MSL1: variants seen among roughly 807,000 people sequenced by gnomAD.
The protein encoded by MSL1 is MSL complex subunit 1.
In MSL1, 21 loss-of-function variants were observed where a neutral mutation model predicts 64.6. The observed-to-expected ratio is 0.33, with a 90% CI of 0.23 to 0.47. The LOEUF (loss-of-function observed/expected upper bound fraction) is 0.47. Ranked by LOEUF, MSL1 falls within the 20% of genes least tolerant of loss-of-function variation. MSL1 has a pLI of 1.00. For synonymous variants in MSL1, 339 were observed against 329.6 expected, an observed-to-expected ratio of 1.03 and a Z score of -0.31; for missense variants, 664 against 793.2, an observed-to-expected ratio of 0.84 and a Z score of 1.96.
chr17:40,123,693 A>G (rs1426481981), intron 1 of MSL1, among the ~76,000 whole-genome samples: 1 of 152,080 alleles, frequency 6.6e-6, no homozygotes, highest in African/African-American at 2.4e-5. Flanking sequence ...TGAGGGGTTA[A>G]AAATGAAAGG....
At position 40,123,258 on chromosome 17, in the gene MSL1, T is replaced by C; in HGVS notation, c.646T>C (p.Ser216Pro). 1 of 1,535,590 alleles carries C rather than the reference T, an allele frequency of 6.5e-7. No individual in the cohort carries two copies. The highest frequency in any genetic ancestry group is 8.7e-7 in the Non-Finnish European group (1 of 1,146,808). ...CGGGGGTGGTGGCGGCTCGGGAGCC[T>C]CCAGTCAGGCCGCCTGCCTCAAACA... Reference protein sequence around the residue: ...PLGGGGGSGASSQAACLKQIL... With the variant: ...PLGGGGGSGAPSQAACLKQIL... The change falls in exon 1 of 9, where the codon TCC becomes CCC. Residue 216 changes from serine (S) to proline (P), a missense_variant. Transcript: ENST00000398532.
intron 2 of MSL1, among the ~76,000 whole-genome samples, chr17:40,127,522 C>T (rs1051740219): frequency 2.1e-4 from 32 of 152,056 alleles, no homozygotes; most frequent in African/African-American, 7.5e-4. Flanking sequence ...TCTCTGTCAC[C>T]CAGGCTGGGG....
Position 40,136,133 on chromosome 17 carries a change from C to G in MSL1, c.*1764C>G, listed in dbSNP as rs2145139258. The G allele has an allele frequency of 6.6e-6, 1 of 152,384 alleles. No individual in the cohort carries two copies. The highest frequency in any genetic ancestry group is 1.9e-4 in the East Asian group (1 of 5,320). 9.4% of individuals were successfully genotyped at this position (152,384 alleles called of 1,614,324 possible). A position where few individuals can be genotyped will look rare whatever the true frequency, so the allele number is the denominator to read the frequency against. On this transcript the variant is annotated 3_prime_UTR_variant, in exon 9 of 9. Coordinates refer to ENST00000398532, the MANE Select transcript of MSL1 (RefSeq NM_001365919.1). ...GTAACGTGTCCAAAAAGAAAAAAGA[C>G]CCAATCAGTGTCTCTTGACTTTGTT...
At chr17:40,123,414 G>C (rs1282289110) in intron 1 of MSL1, 34 bp downstream of exon 1, 1 of 1,529,718 alleles carries the variant, frequency 6.5e-7, no homozygotes, top group Non-Finnish European at 8.8e-7. Context: ...TCGGGCCGAG[G>C]AGCGAGTTGT....
intron 7 of MSL1, 61 bp from the exon 8 acceptor site, chr17:40,133,766 T>C (rs943383821): frequency 1.2e-5 from 19 of 1,610,400 alleles, no homozygotes; most frequent in African/African-American, 6.7e-5. Context: ...GGAGCAGATA[T>C]AGCTTCTAGA....
Position 40,126,371 on chromosome 17 carries a change from C to G in MSL1, c.957C>G (p.Pro319=), listed in dbSNP as rs28526298. Residue 319 remains proline (P), a synonymous_variant, in exon 2 of 9, where the codon CCC becomes CCG. Coordinates refer to ENST00000398532, the MANE Select transcript of MSL1 (RefSeq NM_001365919.1). The part of the protein sequence containing the change: ...SETSQTLPPK[P]FSCGRSGKGH... The stretch of plus-strand genomic sequence containing the variant: ...CATCCCAGACTCTGCCTCCCAAGCC[C>G]TTCTCATGTGGGCGGAGTGGAAAGG... 1.2e-6 allele frequency: 2 copies of G among 1,613,840 alleles called. No homozygotes were observed. Among genetic ancestry groups the G allele is most frequent in the African/African-American group, 2.7e-5 (2 of 74,884 alleles).
chr17:40,127,501 G>T (rs142655782), intron 2 of MSL1, among the ~76,000 whole-genome samples: 1 of 152,272 alleles, frequency 6.6e-6, no homozygotes, highest in East Asian at 1.9e-4. Flanking sequence ...GTTTGTTTGA[G>T]ATAGGGTCTC....
At position 40,136,838 on chromosome 17, in the gene MSL1, T is replaced by TAA. The variant is rs1598414526; in HGVS notation, c.*2469_*2470insAA. 6.6e-6 allele frequency: 1 copy of TAA among 152,398 alleles called. No homozygotes were observed. Among genetic ancestry groups the TAA allele is most frequent in the East Asian group, 1.9e-4 (1 of 5,340 alleles). The allele number at this position is 152,398 out of a possible 1,614,324, so 9.4% of individuals were successfully genotyped here. ...ATTATATTTATTGGCAAACAAACAA[T>TAA]TCTGCTTGTATATTTGAAACATTGG... On this transcript the variant is annotated 3_prime_UTR_variant, in exon 9 of 9. Transcript: ENST00000398532.
rs1207629914 is a variant in MSL1 at position 40,131,014 on chromosome 17, G to A, written c.1376-523G>A. 1 of 153,934 alleles carries A rather than the reference G, an allele frequency of 6.5e-6. No homozygotes were observed. The highest frequency in any genetic ancestry group is 1.4e-5 in the Non-Finnish European group (1 of 69,008). The allele number at this position is 153,934 out of a possible 1,614,324, so 9.5% of individuals were successfully genotyped here. A position where few individuals can be genotyped will look rare whatever the true frequency, so the allele number is the denominator to read the frequency against. On this transcript the variant is annotated intron_variant, in intron 3 of 8. Coordinates refer to ENST00000398532, the MANE Select transcript of MSL1 (RefSeq NM_001365919.1). The surrounding 1 kb of genome is among the most constrained non-coding windows in gnomAD (Gnocchi z 4.5). ...GAGATCCCAGCCCCTTGAGGAGCCT[G>A]AGTTGTGAATAAACATGTGAATCCT... is the stretch of plus-strand genomic sequence containing the variant.
chr17:40,122,372 C>T lies in MSL1; in HGVS notation c.-241C>T, dbSNP rs1182502963. The T allele has an allele frequency of 7.6e-6, 2 of 263,534 alleles. No individual in the cohort carries two copies. Among genetic ancestry groups the T allele is most frequent in the Non-Finnish European group, 1.4e-5 (2 of 141,236 alleles). The allele number at this position is 263,534 out of a possible 1,614,324, so 16.3% of individuals were successfully genotyped here. On this transcript the variant is annotated 5_prime_UTR_variant, in exon 1 of 9. It introduces an in-frame stop codon into an upstream open reading frame of the 5' UTR. Transcript: ENST00000398532. This position sits in a 1 kb window ranked among gnomAD's most constrained non-coding sequence, Gnocchi z 4.2. ...GAGGCGAAGGCGGCGGCGGCGGCAG[C>T]AGAGGCGGCGGCGAGGCCCCCATGG...
intron 3 of MSL1, chr17:40,130,417 CT>C (rs1450257029): frequency 6.6e-6 from 1 of 151,964 alleles, no homozygotes; most frequent in African/African-American, 2.4e-5. Flanking sequence ...AGATGCTCCC[CT>C]ATCTTCTACA....
At chr17:40,133,509 GT>G in intron 6 of MSL1, 24 bp from the exon 7 acceptor site, 1 of 1,597,814 alleles carries the variant, frequency 6.3e-7, no homozygotes, top group Non-Finnish European at 8.5e-7. Context: ...GGGTTTCTTT[GT>G]TTTGTTTGGT....
At position 40,135,078 on chromosome 17, in the gene MSL1, T is replaced by A. The variant is rs945486869; in HGVS notation, c.*709T>A. ...TGGAAAAGAAAGTGGGGATGGTTAG[T>A]TTCAGAACAAGTTACAGCTGTAAAC... On this transcript the variant is annotated 3_prime_UTR_variant, in exon 9 of 9. Coordinates refer to ENST00000398532, the MANE Select transcript of MSL1 (RefSeq NM_001365919.1). 6.6e-6 allele frequency: 1 copy of A among 152,350 alleles called. No individual in the cohort carries two copies. Among genetic ancestry groups the A allele is most frequent in the African/African-American group, 2.4e-5 (1 of 41,442 alleles). The allele number at this position is 152,350 out of a possible 1,614,324, so 9.4% of individuals were successfully genotyped here. A position where few individuals can be genotyped will look rare whatever the true frequency, so the allele number is the denominator to read the frequency against.
At position 40,129,531 on chromosome 17, in the gene MSL1, T is replaced by G; in HGVS notation, c.1279T>G (p.Ser427Ala). 6.2e-7 allele frequency: 1 copy of G among 1,613,938 alleles called. No individual in the cohort carries two copies. Among genetic ancestry groups the G allele is most frequent in the Non-Finnish European group, 8.5e-7 (1 of 1,179,882 alleles). ...TGAGATAGAAGATTTGCCGTACCTT[T>G]CCACCACAGAAATGTATTTGTGTCG... ...SSEIEDLPYL[S>A]TTEMYLCRWH... Residue 427 changes from serine (S) to alanine (A), a missense_variant, in exon 3 of 9, where the codon TCC (serine) becomes GCC (alanine). Around this residue, in one of 4 missense-constraint regions of MSL1, gnomAD observed 119 missense variants for 164.3 expected, o/e 0.72. Coordinates refer to ENST00000398532, the MANE Select transcript of MSL1 (RefSeq NM_001365919.1).
At position 40,122,267 on chromosome 17, in the gene MSL1, CGGG is replaced by C. The variant is rs1348014169; in HGVS notation, c.-345_-343del. The C allele has an allele frequency of 1.7e-5, 2 of 120,876 alleles. No homozygotes were observed. The highest frequency in any genetic ancestry group is 3.5e-5 in the Non-Finnish European group (2 of 57,324). The allele number at this position is 120,876 out of a possible 1,614,324, so 7.5% of individuals were successfully genotyped here. A position where few individuals can be genotyped will look rare whatever the true frequency, so the allele number is the denominator to read the frequency against. On this transcript the variant is annotated 5_prime_UTR_variant, in exon 1 of 9. Coordinates refer to ENST00000398532, the MANE Select transcript of MSL1 (RefSeq NM_001365919.1). The surrounding 1 kb of genome is among the most constrained non-coding windows in gnomAD (Gnocchi z 4.2). ...GGGGGTGCGGGGTGGGGAGACGAGGCGGGCCCGGCCGGGCCAGGGGGGGCCGAA... is the reference window on the plus strand; with the variant it reads ...GGGGGTGCGGGGTGGGGAGACGAGGCCCCGGCCGGGCCAGGGGGGGCCGAA...
rs1187748728 is a variant in MSL1 at position 40,134,534 on chromosome 17, T to C, written c.*165T>C. 3.2e-6 allele frequency: 2 copies of C among 622,570 alleles called. No homozygotes were observed. The highest frequency in any genetic ancestry group is 3.0e-5 in the Admixed American group (1 of 33,598). The allele number at this position is 622,570 out of a possible 1,614,324, so 38.6% of individuals were successfully genotyped here. A position where few individuals can be genotyped will look rare whatever the true frequency, so the allele number is the denominator to read the frequency against. On this transcript the variant is annotated 3_prime_UTR_variant, in exon 9 of 9. Transcript: ENST00000398532. ...TTCATTACTCTGATTTCACAAAAAC[T>C]CTTTCATTCGGCTAATTGTGAGTTA...
At position 40,122,676 on chromosome 17, in the gene MSL1, C is replaced by T; in HGVS notation, c.64C>T (p.Arg22Ter). The T allele has an allele frequency of 1.3e-6, 2 of 1,491,632 alleles. No individual in the cohort carries two copies. The highest frequency in any genetic ancestry group is 2.2e-5 in the Admixed American group (1 of 45,296). 92.4% of individuals were successfully genotyped at this position (1,491,632 alleles called of 1,614,324 possible). ...CCCTGCCGGCGGCAATCCTGAGCAG[C>T]GACTGGACTACGAGCGGGCTGCGGC... ...AAPAGGNPEQ[R>*]LDYERAAALG... Residue 22 changes from arginine to a stop codon, truncating the protein, a stop_gained, in exon 1 of 9, where the codon CGA (arginine) becomes TGA (stop). Coordinates refer to ENST00000398532, the MANE Select transcript of MSL1 (RefSeq NM_001365919.1). LOFTEE classifies it high-confidence loss of function. The surrounding 1 kb of genome is among the most constrained non-coding windows in gnomAD (Gnocchi z 4.2).
intron 1 of MSL1, 44 bp from the exon 2 acceptor site, chr17:40,126,139 A>AT: frequency 6.3e-7 from 1 of 1,578,456 alleles, no homozygotes; most frequent in Non-Finnish European, 8.7e-7. Flanking sequence ...TGTGTGTTTA[A>AT]TTTTTTATGT....
chr17:40,127,121 G>A (rs1988335581), intron 2 of MSL1, among the ~76,000 whole-genome samples: 3 of 152,172 alleles, frequency 2.0e-5, no homozygotes, highest in South Asian at 2.1e-4. Context: ...AGTATGGAAC[G>A]TATGGAAAGT....
Sources: allele counts gnomAD v4.1 joint callset (sites outside exome capture counted in the v4.1 genomes callset), GRCh38; gene constraint gnomAD v4.1.1; regional missense constraint gnomAD v4.1.1; non-coding constraint Gnocchi (gnomAD v3.1); transcripts MANE v1.5; gene names NCBI Gene and HGNC (gene_info 2026-07-23, HGNC 2026-07-21).